The following DLG2 variants were observed in gnomAD, a reference collection of about 807,000 sequenced individuals.
DLG2 encodes the protein disks large homolog 2.
Under a neutral mutation model 132.5 loss-of-function variants are expected in DLG2, and 45 were observed. The ratio of observed to expected loss-of-function variants is 0.34; its 90% CI spans 0.27 to 0.44. The LOEUF (loss-of-function observed/expected upper bound fraction) is 0.44. Ranked by LOEUF, DLG2 falls within the 20% of genes least tolerant of loss-of-function variation. The pLI is 1.00. For missense variants in DLG2, 1,045 were observed against 1,196.9 expected, an observed-to-expected ratio of 0.87 and a Z score of 1.87; for synonymous variants, 424 against 419.6, an observed-to-expected ratio of 1.01 and a Z score of -0.13.
intron 8 of DLG2, among the ~76,000 whole-genome samples, chr11:84,230,186 T>C (rs1290418259): frequency 1.3e-5 from 2 of 152,190 alleles, no homozygotes; most frequent in African/African-American, 4.8e-5. Flanking sequence ...ATCTACCTTT[T>C]TCATTAAGAA....
At chr11:83,796,051 C>A (rs903406128) in intron 17 of DLG2, among the ~76,000 whole-genome samples, 1 of 152,154 alleles carries the variant, frequency 6.6e-6, no homozygotes, top group Non-Finnish European at 1.5e-5. Context: ...TTTATAAGCT[C>A]CTTAAAAGTC....
chr11:83,955,540 A>G (rs2086621779), intron 14 of DLG2, among the ~76,000 whole-genome samples: 1 of 151,846 alleles, frequency 6.6e-6, no homozygotes, highest in African/African-American at 2.4e-5. Flanking sequence ...CTGTTCACCC[A>G]CTCTCCCCTG....
intron 11 of DLG2, among the ~76,000 whole-genome samples, chr11:84,024,878 A>C (rs2095497741): frequency 1.3e-5 from 2 of 150,584 alleles, no homozygotes; most frequent in Non-Finnish European, 3.0e-5. Context: ...ACTATTGTAT[A>C]TTTCAAAATC....
intron 11 of DLG2, among the ~76,000 whole-genome samples, chr11:83,991,018 T>A (rs1039817123): frequency 6.6e-6 from 1 of 152,158 alleles, no homozygotes; most frequent in East Asian, 1.9e-4. Context: ...TAGGAACTGG[T>A]CTACACTGAT....
At chr11:83,883,765 G>C (rs978867027) in intron 15 of DLG2, among the ~76,000 whole-genome samples, 1 of 142,092 alleles carries the variant, frequency 7.0e-6, no homozygotes. Context: ...CTGCATCTCA[G>C]AAAGCAATAA....
At chr11:84,811,798 C>T (rs959125157) in intron 6 of DLG2, among the ~76,000 whole-genome samples, 1 of 152,096 alleles carries the variant, frequency 6.6e-6, no homozygotes, top group South Asian at 2.1e-4. Flanking sequence ...GTGAAAAAGA[C>T]ACATATTCTT....
chr11:83,911,083 T>C (rs2075961189), intron 15 of DLG2, among the ~76,000 whole-genome samples: 1 of 152,094 alleles, frequency 6.6e-6, no homozygotes, highest in African/African-American at 2.4e-5. Context: ...AAGGTAGAAG[T>C]GCTCAAGAAA....
At chr11:84,687,079 G>A (rs747281684) in intron 6 of DLG2, 2 of 151,962 alleles carry the variant, frequency 1.3e-5, no homozygotes, top group Non-Finnish European at 2.9e-5. Context: ...GTTTTATGAT[G>A]TGCCTTTTAT....
intron 9 of DLG2, among the ~76,000 whole-genome samples, chr11:84,149,868 C>T (rs2095237001): frequency 6.6e-6 from 1 of 152,098 alleles, no homozygotes; most frequent in Admixed American, 6.5e-5. Context: ...AGTGATTCTT[C>T]TGCTTCACCC....
At chr11:85,119,304 T>C in intron 5 of DLG2, among the ~76,000 whole-genome samples, 2 of 152,130 alleles carry the variant, frequency 1.3e-5, no homozygotes, top group Middle Eastern at 6.8e-3. Context: ...TTCTAAAAAA[T>C]ATAATATGGT....
chr11:85,475,629 C>T (rs2093118161), intron 3 of DLG2, among the ~76,000 whole-genome samples: 1 of 152,090 alleles, frequency 6.6e-6, no homozygotes, highest in South Asian at 2.1e-4. Context: ...ATAATAAAGA[C>T]TGCTGGCTGT....
chr11:85,373,587 G>A lies in DLG2; in HGVS notation c.41-88222C>T, dbSNP rs76760446. Among the ~76,000 whole-genome samples, 1,435 of 152,278 alleles carry A rather than the reference G, an allele frequency of 9.4e-3. 17 individuals are homozygous for A. Among genetic ancestry groups the A allele is most frequent in the African/African-American group, 0.031 (1,289 of 41,554 alleles). ...TGGGGTGGAGCCTCAGGAAGTTCAC[G>A]ACATTTGCTTCAGGGAGGAGCCTGG... On this transcript the variant is annotated intron_variant, in intron 3 of 27. Transcript: ENST00000376104.
At position 84,243,028 on chromosome 11, in the gene DLG2, T is replaced by C. The variant is rs969088244; in HGVS notation, c.573+8210A>G. 3.8e-3 allele frequency among the ~76,000 whole-genome samples: 580 copies of C among 151,568 alleles called. 5 individuals are homozygous for C. The highest frequency in any genetic ancestry group is 0.013 in the African/African-American group (545 of 41,384). ...CTCTCTCTCTCTCTCTATATATATA[T>C]ATATATATATACACTCTCACATATA... On this transcript the variant is annotated intron_variant, in intron 8 of 27. Transcript: ENST00000376104.
chr11:85,068,132 G>A (rs1191140121), intron 6 of DLG2, among the ~76,000 whole-genome samples: 2 of 152,012 alleles, frequency 1.3e-5, no homozygotes, highest in Non-Finnish European at 2.9e-5. Context: ...CAATCAATTA[G>A]GTATTGATGA....
chr11:84,242,383 T>A lies in DLG2; in HGVS notation c.573+8855A>T, dbSNP rs536350434. Among the ~76,000 whole-genome samples, 23 of 152,204 alleles carry A rather than the reference T, an allele frequency of 1.5e-4. No individual in the cohort carries two copies. In the East Asian group the frequency reaches 4.1e-3, roughly 27 times the overall value. ...TTTGTTTTTGTTTTGACTTGGCTTTTAAAAAATCATCCCAATCTAAATAGA... is the reference window on the plus strand; with the variant it reads ...TTTGTTTTTGTTTTGACTTGGCTTTAAAAAAATCATCCCAATCTAAATAGA... On this transcript the variant is annotated intron_variant, in intron 8 of 27. Transcript: ENST00000376104.
At chr11:84,026,921 C>T (rs1005836195) in intron 11 of DLG2, among the ~76,000 whole-genome samples, 4 of 152,060 alleles carry the variant, frequency 2.6e-5, no homozygotes, top group East Asian at 1.9e-4. Flanking sequence ...GCTCAAAAAG[C>T]GTTTTATATC....
rs1045282133 is a variant in DLG2 at position 83,588,332 on chromosome 11, C to A, written c.1940+44879G>T. On this transcript the variant is annotated intron_variant, in intron 19 of 27. Transcript: ENST00000376104. ...CTCAAGTGGGTCTCTGACCCCTGAC[C>A]CCCGAGCAGCCTAACTGGGAGGCAC... Among the ~76,000 whole-genome samples, 21 of 151,618 alleles carry A rather than the reference C, an allele frequency of 1.4e-4. 1 individual carries two copies. The East Asian group carries it at 3.5e-3, about 25-fold the overall frequency.
In DLG2 at chr11:83,792,781, T is replaced by A. The variant is rs915986799; in HGVS notation, c.1723-5989A>T. ...GCTAGGTAGCTTCATTATTTTGTTATTATAAACAATGAGGTAATAAATATC... is the reference window on the plus strand; with the variant it reads ...GCTAGGTAGCTTCATTATTTTGTTAATATAAACAATGAGGTAATAAATATC... On this transcript the variant is annotated intron_variant, in intron 17 of 27. Transcript: ENST00000376104. Among the ~76,000 whole-genome samples the A allele has an allele frequency of 3.3e-5, 5 of 152,268 alleles. No individual in the cohort carries two copies. The East Asian group carries it at 9.6e-4, about 29-fold the overall frequency.
At chr11:84,037,935 C>T (rs542326608) in intron 11 of DLG2, among the ~76,000 whole-genome samples, 241 of 152,148 alleles carry the variant, frequency 1.6e-3, no homozygotes, top group Non-Finnish European at 2.9e-3. Context: ...TCTTTGCTCA[C>T]CTTTCCATTT....
Sources: allele counts gnomAD v4.1 joint callset (sites outside exome capture counted in the v4.1 genomes callset), GRCh38; gene constraint gnomAD v4.1.1; transcripts MANE v1.5; gene names NCBI Gene and HGNC (gene_info 2026-07-23, HGNC 2026-07-21).